The following FAM227A variants were observed in gnomAD, a reference collection of about 807,000 sequenced individuals.
The protein encoded by FAM227A is family with sequence similarity 227 member A.
FAM227A carries 80 observed loss-of-function variants against 74.7 expected under a neutral mutation model. That is an observed-to-expected ratio of 1.07 (90% CI 0.89 to 1.29). FAM227A has a LOEUF of 1.29. Ranked by LOEUF, FAM227A falls within the 50% of genes most tolerant of loss-of-function variation. The probability of loss-of-function intolerance (pLI) is 0.00; values close to 1 mark genes in which losing one functional copy is unlikely to be tolerated. For synonymous variants in FAM227A, 237 were observed against 241.8 expected (o/e 0.98, Z 0.19); for missense variants, 654 against 683.4 (o/e 0.96, Z 0.48).
intron 2 of FAM227A, among the ~76,000 whole-genome samples, chr22:38,646,420 C>T (rs1035932575): frequency 3.0e-5 from 4 of 133,120 alleles, no homozygotes; most frequent in East Asian, 2.3e-4. Flanking sequence ...CCACTACGCC[C>T]GGCTAATTTT....
intron 13 of FAM227A, among the ~76,000 whole-genome samples, chr22:38,602,677 T>A (rs2091201841): frequency 6.6e-6 from 1 of 152,202 alleles, no homozygotes; most frequent in African/African-American, 2.4e-5. Flanking sequence ...ATTTACTTAG[T>A]AAAAAAATAA....
chr22:38,597,107 AC>A (rs898610811), intron 15 of FAM227A, 96 bp downstream of exon 15: 68 of 1,151,096 alleles, frequency 5.9e-5, no homozygotes, highest in Middle Eastern at 3.9e-4. Context: ...GTTACAGGAA[AC>A]CCCCCTGCCC....
chr22:38,633,981 G>C (rs1423547646), intron 6 of FAM227A, among the ~76,000 whole-genome samples: 1 of 152,038 alleles, frequency 6.6e-6, no homozygotes, highest in Non-Finnish European at 1.5e-5. Context: ...CACTTTGGGA[G>C]GCGGAGGCAG....
rs2090762385 is a variant in FAM227A at position 38,584,308 on chromosome 22, C to T, written c.*1817G>A. 1 of 152,052 alleles carries T rather than the reference C, an allele frequency of 6.6e-6. No individual in the cohort carries two copies. Among genetic ancestry groups the T allele is most frequent in the South Asian group, 2.1e-4 (1 of 4,822 alleles). The allele number at this position is 152,052 out of a possible 1,614,324, so 9.4% of individuals were successfully genotyped here. A position where few individuals can be genotyped will look rare whatever the true frequency, so the allele number is the denominator to read the frequency against. ...AATACCTAATCATCCCCCCCAAGTC[C>T]GTTTCTTCCTAGGAGAAAATGGAGG... On this transcript the variant is annotated 3_prime_UTR_variant, in exon 17 of 17. Transcript: ENST00000535113.
intron 11 of FAM227A, among the ~76,000 whole-genome samples, chr22:38,608,241 T>C (rs1316923768): frequency 1.3e-5 from 2 of 151,658 alleles, no homozygotes; most frequent in East Asian, 1.9e-4. Context: ...GGTGGGAGGA[T>C]TGCTTGAGCC....
chr22:38,631,043 C>T (rs2091905907), intron 6 of FAM227A, among the ~76,000 whole-genome samples: 1 of 152,130 alleles, frequency 6.6e-6, no homozygotes, highest in East Asian at 1.9e-4. Flanking sequence ...TGATGCGCAT[C>T]TATAATCCCA....
intron 5 of FAM227A, among the ~76,000 whole-genome samples, chr22:38,637,904 C>T (rs1397483193): frequency 6.6e-6 from 1 of 152,196 alleles, no homozygotes; most frequent in Non-Finnish European, 1.5e-5. Flanking sequence ...CGGTGGCTCA[C>T]ACCTGTAATC....
intron 11 of FAM227A, among the ~76,000 whole-genome samples, chr22:38,608,734 T>G (rs2091344530): frequency 6.7e-6 from 1 of 149,902 alleles, no homozygotes; most frequent in Non-Finnish European, 1.5e-5. Flanking sequence ...CCAGGATAGA[T>G]TCTGACTTCT....
In FAM227A at chr22:38,607,398, T is replaced by C; in HGVS notation, c.1117A>G (p.Thr373Ala). The C allele has an allele frequency of 6.5e-7, 1 of 1,549,648 alleles. No homozygotes were observed. The highest frequency in any genetic ancestry group is 8.7e-7 in the Non-Finnish European group (1 of 1,145,206). The change falls in exon 12 of 17, where the codon ACT (threonine) becomes GCT (alanine). Residue 373 changes from threonine to alanine, a missense_variant. Physicochemically the swap from Thr to Ala is moderately conservative, Grantham distance 58. Coordinates refer to ENST00000535113, the MANE Select transcript of FAM227A (RefSeq NM_001013647.2). ...NSEKSLRMQNTAKEHHCQTLV... is the reference protein window; with the variant it reads ...NSEKSLRMQNAAKEHHCQTLV... ...TTGGTAGTCAATATACCTTTTGCAG[T>C]ATTCTGCATTCGTAAGCTTTTTTCT... is the stretch of plus-strand genomic sequence containing the variant.
At chr22:38,638,702 T>C (rs1277916005) in intron 5 of FAM227A, 44 bp downstream of exon 5, 1 of 1,377,464 alleles carries the variant, frequency 7.3e-7, no homozygotes, top group African/African-American at 1.4e-5. Context: ...ATTTCATGCC[T>C]AGCAGAAGCC....
chr22:38,623,039 G>T, intron 10 of FAM227A, 133 bp downstream of exon 10: 1 of 634,422 alleles, frequency 1.6e-6, no homozygotes, highest in Non-Finnish European at 2.8e-6. Flanking sequence ...AAGAATTTTG[G>T]TGGCTAATTT....
intron 15 of FAM227A, among the ~76,000 whole-genome samples, chr22:38,596,116 G>A (rs554998264): frequency 2.2e-4 from 34 of 152,082 alleles, no homozygotes; most frequent in Non-Finnish European, 4.9e-4. Context: ...GAGGTCAGGC[G>A]TTTGAGACCA....
intron 11 of FAM227A, among the ~76,000 whole-genome samples, chr22:38,618,054 TATA>T (rs1332187022): frequency 2.6e-5 from 4 of 152,102 alleles, no homozygotes; most frequent in African/African-American, 9.7e-5. Flanking sequence ...CATTGGCCTG[TATA>T]ATAAGGAACA....
At position 38,616,939 on chromosome 22, in the gene FAM227A, G is replaced by T. The variant is rs562909579; in HGVS notation, c.1038+3273C>A. 2.0e-4 allele frequency among the ~76,000 whole-genome samples: 31 copies of T among 152,234 alleles called. No homozygotes were observed. In the South Asian group the frequency reaches 6.0e-3, roughly 30 times the overall value. On this transcript the variant is annotated intron_variant, in intron 11 of 16. Coordinates refer to ENST00000535113, the MANE Select transcript of FAM227A (RefSeq NM_001013647.2). ...GATGGCAGATGGCGAGGGTGCAGAG[G>T]GGGGCAGGCTGTCTTGGTGGTGGGA... is the stretch of plus-strand genomic sequence containing the variant.
intron 11 of FAM227A, among the ~76,000 whole-genome samples, chr22:38,617,575 G>A (rs758316966): frequency 6.6e-5 from 10 of 152,104 alleles, no homozygotes; most frequent in Non-Finnish European, 1.2e-4. Context: ...GATTACAGGC[G>A]TGAGCCTCCA....
In FAM227A at chr22:38,578,284, A is replaced by G. The variant is rs1279260271; in HGVS notation, c.*7841T>C. The G allele has an allele frequency of 6.6e-6, 1 of 152,124 alleles. No homozygotes were observed. The highest frequency in any genetic ancestry group is 1.5e-5 in the Non-Finnish European group (1 of 68,026). The allele number at this position is 152,124 out of a possible 1,614,324, so 9.4% of individuals were successfully genotyped here. ...GGCTAAGAGTCGCTAGGTGATAGGAATTGTTTAGTTCCATTATAATCTTAT... is the reference window on the plus strand; with the variant it reads ...GGCTAAGAGTCGCTAGGTGATAGGAGTTGTTTAGTTCCATTATAATCTTAT... On this transcript the variant is annotated 3_prime_UTR_variant, in exon 17 of 17. Coordinates refer to ENST00000535113, the MANE Select transcript of FAM227A (RefSeq NM_001013647.2).
chr22:38,636,040 AAG>A (rs1008461556), intron 6 of FAM227A, among the ~76,000 whole-genome samples: 7 of 150,842 alleles, frequency 4.6e-5, no homozygotes, highest in African/African-American at 1.7e-4. Flanking sequence ...GAGAAAGAGA[AAG>A]AGAGAGAAAG....
chr22:38,646,285 A>T (rs2092237605), intron 2 of FAM227A, among the ~76,000 whole-genome samples: 3 of 91,906 alleles, frequency 3.3e-5, no homozygotes, highest in Non-Finnish European at 5.7e-5. Context: ...TTTGAGACGG[A>T]GTCTCGCTCT....
chr22:38,630,539 T>C (rs982070585), intron 6 of FAM227A, among the ~76,000 whole-genome samples: 1 of 152,190 alleles, frequency 6.6e-6, no homozygotes, highest in African/African-American at 2.4e-5. Context: ...AGGACTGTTG[T>C]GGAGGTTCGA....
Sources: allele counts gnomAD v4.1 joint callset (sites outside exome capture counted in the v4.1 genomes callset), GRCh38; gene constraint gnomAD v4.1.1; transcripts MANE v1.5; gene names NCBI Gene and HGNC (gene_info 2026-07-23, HGNC 2026-07-21).